SLC38A4: variants seen among roughly 807,000 people sequenced by gnomAD.
The protein encoded by SLC38A4 is sodium-coupled neutral amino acid transporter 4.
A neutral mutation model predicts 63.1 loss-of-function variants in SLC38A4; 20 were observed. The ratio of observed to expected loss-of-function variants is 0.32; its 90% CI spans 0.22 to 0.46. The LOEUF (loss-of-function observed/expected upper bound fraction) is 0.46. Among genes scored for constraint, SLC38A4 ranks in the 20% least tolerant of loss-of-function variants. SLC38A4 has a pLI of 1.00. For synonymous variants in SLC38A4, 230 were observed against 225.5 expected (o/e 1.02, Z -0.18); for missense variants, 526 against 663.6 (o/e 0.79, Z 2.28).
intron 6 of SLC38A4, 56 bp downstream of exon 6, chr12:46,785,048 A>G: frequency 2.9e-6 from 4 of 1,356,402 alleles, no homozygotes; most frequent in Non-Finnish European, 4.2e-6. Flanking sequence ...CAACAGACTG[A>G]AATACTCTTT....
intron 1 of SLC38A4, among the ~76,000 whole-genome samples, chr12:46,812,784 T>C (rs934428787): frequency 2.6e-5 from 4 of 152,134 alleles, no homozygotes; most frequent in South Asian, 2.1e-4. Context: ...ACAATGTCAA[T>C]AAGTAGTAAT....
intron 3 of SLC38A4, 106 bp from the exon 4 acceptor site, chr12:46,788,724 A>G: frequency 2.0e-6 from 2 of 981,380 alleles, no homozygotes; most frequent in Non-Finnish European, 3.1e-6. Context: ...AGGAGGGGAA[A>G]TAAGACACCC....
intron 2 of SLC38A4, among the ~76,000 whole-genome samples, chr12:46,796,886 T>C (rs965227385): frequency 1.3e-5 from 2 of 152,116 alleles, no homozygotes; most frequent in South Asian, 2.1e-4. Flanking sequence ...CTATGCCTCC[T>C]CTTTGTCTTT....
intron 2 of SLC38A4, among the ~76,000 whole-genome samples, chr12:46,799,253 C>T (rs1225619222): frequency 6.6e-6 from 1 of 152,054 alleles, no homozygotes; most frequent in East Asian, 1.9e-4. Context: ...GAGGTAGATG[C>T]CCCTTCACAA....
chr12:46,778,699 G>A lies in SLC38A4; in HGVS notation c.795C>T (p.Asn265=). The part of the protein sequence containing the change: ...DHSVGNLSFN[N]TLPMHVVMLP... ...ACATTACCACATGCATTGGAAGCGT[G>A]TTGTTGAATGACAGATTTCCAACAC... is the stretch of plus-strand genomic sequence containing the variant. Residue 265 remains asparagine (N), a synonymous_variant, in exon 11 of 17, where the codon AAC becomes AAT. Transcript: ENST00000266579. 6.2e-7 allele frequency: 1 copy of A among 1,612,826 alleles called. No individual in the cohort carries two copies. Among genetic ancestry groups the A allele is most frequent in the Non-Finnish European group, 8.5e-7 (1 of 1,179,280 alleles).
At chr12:46,810,502 G>A (rs1476702664) in intron 1 of SLC38A4, among the ~76,000 whole-genome samples, 1 of 150,270 alleles carries the variant, frequency 6.7e-6, no homozygotes, top group Non-Finnish European at 1.5e-5. Flanking sequence ...TAACAAAACT[G>A]CACATTCTCC....
intron 1 of SLC38A4, among the ~76,000 whole-genome samples, chr12:46,808,562 A>G (rs929576084): frequency 6.6e-6 from 1 of 151,998 alleles, no homozygotes; most frequent in Non-Finnish European, 1.5e-5. Context: ...CATGATGTCT[A>G]TATTTTGCCT....
At chr12:46,816,501 A>G (rs865975097) in intron 1 of SLC38A4, among the ~76,000 whole-genome samples, 6 of 151,976 alleles carry the variant, frequency 3.9e-5, no homozygotes, top group Non-Finnish European at 8.8e-5. Context: ...AAAACATTCT[A>G]TACCTATTTC....
chr12:46,800,638 C>A (rs192009857), intron 2 of SLC38A4, among the ~76,000 whole-genome samples: 1 of 152,182 alleles, frequency 6.6e-6, no homozygotes, highest in East Asian at 1.9e-4. Context: ...ATGCTCTCCT[C>A]TCCTGCGTAG....
chr12:46,824,787 A>G (rs939226434), intron 1 of SLC38A4, among the ~76,000 whole-genome samples: 2 of 152,222 alleles, frequency 1.3e-5, no homozygotes, highest in Non-Finnish European at 2.9e-5. Context: ...GAGGTGGAAC[A>G]AGGGAGATCT....
chr12:46,795,355 C>T (rs541033524), intron 2 of SLC38A4, among the ~76,000 whole-genome samples: 1 of 152,128 alleles, frequency 6.6e-6, no homozygotes, highest in South Asian at 2.1e-4. Context: ...ACATGGAAAA[C>T]CAATAAGCAG....
At chr12:46,830,302 A>T (rs12829014), upstream of SLC38A4, among the ~76,000 whole-genome samples, 69,468 of 117,544 alleles carry the variant, frequency 0.59, 17,033 homozygotes, top group Non-Finnish European at 0.62. Context: ...TCTCTCTCAC[A>T]CACACACACA....
chr12:46,782,456 A>G (rs1938663452), intron 7 of SLC38A4, among the ~76,000 whole-genome samples: 1 of 152,046 alleles, frequency 6.6e-6, no homozygotes, highest in African/African-American at 2.4e-5. Context: ...AATCGGTATC[A>G]TAAGATGATC....
intron 14 of SLC38A4, among the ~76,000 whole-genome samples, chr12:46,774,383 GTTTT>G (rs917553995): frequency 2.6e-5 from 4 of 152,008 alleles, no homozygotes; most frequent in Non-Finnish European, 5.9e-5. Flanking sequence ...TTAGGTGGTG[GTTTT>G]AACTCACACA....
intron 1 of SLC38A4, among the ~76,000 whole-genome samples, chr12:46,814,765 A>C (rs1214271363): frequency 6.6e-6 from 1 of 151,974 alleles, no homozygotes; most frequent in Non-Finnish European, 1.5e-5. Context: ...TTTCTTGATC[A>C]AACAAGACAA....
At chr12:46,777,078 T>A in intron 12 of SLC38A4, 74 bp from the exon 13 acceptor site, 1 of 1,234,414 alleles carries the variant, frequency 8.1e-7, no homozygotes, top group African/African-American at 1.6e-5. Flanking sequence ...ATGAAAATAA[T>A]AATAAAAAAG....
intron 13 of SLC38A4, among the ~76,000 whole-genome samples, chr12:46,776,666 G>C (rs1938531968): frequency 6.6e-6 from 1 of 152,018 alleles, no homozygotes; most frequent in Non-Finnish European, 1.5e-5. Flanking sequence ...AATTTTGTTT[G>C]AGGGATATTT....
At chr12:46,781,476 T>C (rs563644154) in intron 7 of SLC38A4, among the ~76,000 whole-genome samples, 10 of 152,064 alleles carry the variant, frequency 6.6e-5, no homozygotes, top group Non-Finnish European at 1.0e-4. Flanking sequence ...TTAACATGTT[T>C]GGTCTTCAAA....
At position 46,783,227 on chromosome 12, in the gene SLC38A4, TGATAGATAGATA is replaced by T. The variant is rs66798597; in HGVS notation, c.493+1303_493+1314del. ...TATAGATGATGGATAAATTGATAGATGATAGATAGATAGATAGATAGATAGATAGATAGATAG... is the reference window on the plus strand; with the variant it reads ...TATAGATGATGGATAAATTGATAGATGATAGATAGATAGATAGATAGATAG... On this transcript the variant is annotated intron_variant, in intron 7 of 16. Coordinates refer to ENST00000266579, the MANE Select transcript of SLC38A4 (RefSeq NM_018018.5). Among the ~76,000 whole-genome samples, 1,100 of 143,814 alleles carry T rather than the reference TGATAGATAGATA, an allele frequency of 7.6e-3. 3 individuals carry two copies. Among genetic ancestry groups the T allele is most frequent in the East Asian group, 0.05 (242 of 4,854 alleles). 94.3% of individuals were successfully genotyped at this position (143,814 alleles called of 152,430 possible).
Sources: gnomAD v4.1 joint callset for allele counts (sites outside exome capture counted in the v4.1 genomes callset) on GRCh38, gnomAD v4.1.1 for gene constraint, MANE v1.5 for transcripts, NCBI Gene and HGNC (gene_info 2026-07-23, HGNC 2026-07-21) for gene names.